MAST4: variants seen among roughly 807,000 people sequenced by gnomAD.
MAST4 encodes the protein microtubule-associated serine/threonine-protein kinase 4.
In MAST4, 89 loss-of-function variants were observed where a neutral mutation model predicts 162.7. The ratio of observed to expected loss-of-function variants is 0.55; its 90% CI spans 0.46 to 0.65. The LOEUF is 0.65. Ranked by LOEUF, MAST4 falls within the 30% of genes least tolerant of loss-of-function variation. The probability of loss-of-function intolerance (pLI) is 0.00; values close to 1 mark genes in which losing one functional copy is unlikely to be tolerated. For synonymous variants in MAST4, 1,479 were observed against 1,361.1 expected, an observed-to-expected ratio of 1.09 and a Z score of -1.91; for missense variants, 3,153 against 3,374.0, an observed-to-expected ratio of 0.93 and a Z score of 1.62.
chr5:67,142,341 T>C (rs2151034886), intron 20 of MAST4, 80 bp from the exon 21 acceptor site: 1 of 1,530,084 alleles, frequency 6.5e-7, no homozygotes, highest in Non-Finnish European at 8.9e-7. Flanking sequence ...AACATAATGT[T>C]GATCCAGAAA....
rs1420284489 is a variant in MAST4 at position 67,166,981 on chromosome 5, A to G, written c.7802A>G (p.Lys2601Arg). ...TDRPISLSNE[K>R]DFVVRQRRGK... ...CGCCCCATCTCTCTTTCTAATGAGA[A>G]GGACTTTGTGGTACGGCAGAGGCGG... Residue 2601 changes from lysine (K) to arginine (R), a missense_variant, in exon 29 of 29, where the codon AAG becomes AGG. By Grantham distance (26) the Lys-to-Arg change is conservative. This residue lies in a region of MAST4 where 1,644 missense variants were observed against 1,495.0 expected (regional missense o/e 1.10). Transcript: ENST00000403625. 1.2e-6 allele frequency: 2 copies of G among 1,612,276 alleles called. No individual in the cohort carries two copies. The highest frequency in any genetic ancestry group is 1.3e-5 in the African/African-American group (1 of 74,882).
chr5:66,653,665 G>A (rs934336803), intron 1 of MAST4, among the ~76,000 whole-genome samples: 2 of 152,114 alleles, frequency 1.3e-5, no homozygotes, highest in African/African-American at 2.4e-5. Context: ...CTGCTTTGCT[G>A]GCCTCCTCTC....
At chr5:67,120,080 G>C (rs982870464) in intron 13 of MAST4, among the ~76,000 whole-genome samples, 1 of 152,262 alleles carries the variant, frequency 6.6e-6, no homozygotes, top group Non-Finnish European at 1.5e-5. Context: ...AATAGATCCA[G>C]ATCTTAGGGC....
intron 1 of MAST4, among the ~76,000 whole-genome samples, chr5:66,714,992 A>G (rs552463848): frequency 6.6e-6 from 1 of 152,338 alleles, no homozygotes; most frequent in South Asian, 2.1e-4. Context: ...GTCAACAGAT[A>G]TGGGTTTATG....
At chr5:66,708,629 GTTA>G (rs755121213) in intron 1 of MAST4, among the ~76,000 whole-genome samples, 18 of 152,116 alleles carry the variant, frequency 1.2e-4, no homozygotes, top group Non-Finnish European at 2.2e-4. Flanking sequence ...TTCATTTTCT[GTTA>G]TTATGAGCAC....
chr5:66,973,987 C>G (rs968414341), intron 4 of MAST4, among the ~76,000 whole-genome samples: 11 of 152,154 alleles, frequency 7.2e-5, no homozygotes, highest in Admixed American at 2.6e-4. Context: ...AGCACCTCCT[C>G]ACTTTCTGGC....
chr5:67,096,990 A>G (rs758148741), intron 7 of MAST4, among the ~76,000 whole-genome samples: 1 of 152,156 alleles, frequency 6.6e-6, no homozygotes, highest in African/African-American at 2.4e-5. Context: ...GGCAGTCACT[A>G]TCAGTGGTTA....
chr5:67,023,614 C>T (rs536290198), intron 4 of MAST4, among the ~76,000 whole-genome samples: 19 of 152,190 alleles, frequency 1.2e-4, no homozygotes, highest in South Asian at 2.1e-4. Flanking sequence ...TTATGTGGAT[C>T]GGAGTGAACA....
At chr5:67,024,794 A>T (rs1378144982) in intron 4 of MAST4, among the ~76,000 whole-genome samples, 1 of 151,644 alleles carries the variant, frequency 6.6e-6, no homozygotes, top group African/African-American at 2.4e-5. Flanking sequence ...TGCCTAGAAC[A>T]TGCTTCCATT....
chr5:67,166,724 G>T lies in MAST4; in HGVS notation c.7545G>T (p.Met2515Ile). ...AQPAGEGRTH[M>I]TKSDSLPSFR... ...CTGCCGGGGAGGGCCGAACCCACAT[G>T]ACAAAGAGTGACTCCCTGCCCTCCT... The change falls in exon 29 of 29, where the codon ATG becomes ATT. Residue 2515 changes from methionine to isoleucine, a missense_variant. This residue lies in a region of MAST4 where 1,644 missense variants were observed against 1,495.0 expected (regional missense o/e 1.10). Coordinates refer to ENST00000403625, the MANE Select transcript of MAST4 (RefSeq NM_001164664.2). 1 of 1,589,140 alleles carries T rather than the reference G, an allele frequency of 6.3e-7. No homozygotes were observed. Among genetic ancestry groups the T allele is most frequent in the Non-Finnish European group, 8.6e-7 (1 of 1,168,068 alleles).
intron 4 of MAST4, among the ~76,000 whole-genome samples, chr5:67,036,136 G>A (rs150808029): frequency 1.3e-5 from 2 of 152,196 alleles, no homozygotes; most frequent in African/African-American, 4.8e-5. Context: ...ACTTGGTATA[G>A]AGGAAGGAAA....
intron 4 of MAST4, among the ~76,000 whole-genome samples, chr5:66,930,220 C>T (rs1039054450): frequency 1.5e-4 from 23 of 152,196 alleles, no homozygotes; most frequent in Admixed American, 1.3e-3. Flanking sequence ...CATCAAATTT[C>T]GCTTTTATCT....
intron 3 of MAST4, among the ~76,000 whole-genome samples, chr5:66,801,599 C>A (rs975754899): frequency 5.3e-5 from 8 of 152,192 alleles, no homozygotes; most frequent in African/African-American, 1.9e-4. Flanking sequence ...CTTTTTAAAT[C>A]ATCTGGAATA....
intron 3 of MAST4, among the ~76,000 whole-genome samples, chr5:66,897,753 G>T (rs1173877666): frequency 6.6e-6 from 1 of 152,190 alleles, no homozygotes; most frequent in African/African-American, 2.4e-5. Context: ...GAGCAGCAGT[G>T]CTGGGTTACC....
rs371003226 is a variant in MAST4 at position 66,700,665 on chromosome 5, C to G, written c.364-59044C>G. Among the ~76,000 whole-genome samples, 7 of 151,632 alleles carry G rather than the reference C, an allele frequency of 4.6e-5. No individual in the cohort carries two copies. In the East Asian group the frequency reaches 1.2e-3, roughly 25 times the overall value. On this transcript the variant is annotated intron_variant, in intron 1 of 28. Transcript: ENST00000403625. Reference sequence around the variant, plus strand: ...TGCCATTGCATTCCAGCCTGGGCAACAACAGAGTGAGACTCCATCTCTCAA... The same window carrying G: ...TGCCATTGCATTCCAGCCTGGGCAAGAACAGAGTGAGACTCCATCTCTCAA...
At chr5:66,907,455 C>T (rs1763446244) in intron 4 of MAST4, among the ~76,000 whole-genome samples, 1 of 152,124 alleles carries the variant, frequency 6.6e-6, no homozygotes, top group Admixed American at 6.5e-5. Flanking sequence ...CGCCAGGGAC[C>T]CTTGGCTGTC....
chr5:67,021,322 T>C (rs914311010), intron 4 of MAST4, among the ~76,000 whole-genome samples: 9 of 152,176 alleles, frequency 5.9e-5, no homozygotes, highest in African/African-American at 2.2e-4. Flanking sequence ...TTTTCTCTTA[T>C]CCAAGTGTAA....
rs916049548 is a variant in MAST4, at chr5:67,130,227, G to A, written c.1763G>A (p.Arg588Gln). Residue 588 changes from arginine to glutamine, a missense_variant, in exon 15 of 29, where the codon CGG (arginine) becomes CAG (glutamine). Physicochemically the swap from Arg to Gln is conservative, Grantham distance 43. Around this residue, in one of 7 missense-constraint regions of MAST4, gnomAD observed 360 missense variants for 450.0 expected, o/e 0.80. Coordinates refer to ENST00000403625, the MANE Select transcript of MAST4 (RefSeq NM_001164664.2). ...CTTTTCAGGGCAGTCTACTTTGTTC[G>A]GCATAAAGAATCCCGGCAGAGGTTT... Reference protein sequence around the residue: ...NGAYGAVYFVRHKESRQRFAM... With the variant: ...NGAYGAVYFVQHKESRQRFAM... 8 of 1,612,454 alleles carry A rather than the reference G, an allele frequency of 5.0e-6. No homozygotes were observed. Among genetic ancestry groups the A allele is most frequent in the Non-Finnish European group, 6.8e-6 (8 of 1,179,184 alleles).
At chr5:67,114,262 C>G in intron 12 of MAST4, 43 bp downstream of exon 12, 1 of 1,580,516 alleles carries the variant, frequency 6.3e-7, no homozygotes, top group South Asian at 1.2e-5. Flanking sequence ...TGCTTATGCA[C>G]TGTCGCCTCA....
Sources: gnomAD v4.1 joint callset for allele counts (sites outside exome capture counted in the v4.1 genomes callset) on GRCh38, gnomAD v4.1.1 for gene constraint, gnomAD v4.1.1 regional missense constraint, MANE v1.5 for transcripts, NCBI Gene and HGNC (gene_info 2026-07-23, HGNC 2026-07-21) for gene names.